The following LY86 variants were observed in gnomAD, a reference collection of about 807,000 sequenced individuals.
The protein encoded by LY86 is MD-1, RP105-associated.
LY86 carries 20 observed loss-of-function variants against 17.3 expected under a neutral mutation model. The ratio of observed to expected loss-of-function variants is 1.15; its 90% confidence interval spans 0.81 to 1.68. LY86 has a LOEUF of 1.68. Among genes scored for constraint, LY86 ranks in the 40% most tolerant of loss-of-function variants. LY86 has a pLI of 0.00. For missense variants in LY86, 200 were observed against 191.9 expected, an observed-to-expected ratio of 1.04 and a Z score of -0.25; for synonymous variants, 74 against 70.6, an observed-to-expected ratio of 1.05 and a Z score of -0.24.
intron 1 of LY86, among the ~76,000 whole-genome samples, chr6:6,607,572 G>A (rs1761219645): frequency 6.6e-6 from 1 of 152,104 alleles, no homozygotes; most frequent in South Asian, 2.1e-4. Flanking sequence ...CATAAAGAAA[G>A]AAAACCCAAA....
intron 1 of LY86, among the ~76,000 whole-genome samples, chr6:6,603,427 A>G (rs1045165628): frequency 6.6e-6 from 1 of 151,998 alleles, no homozygotes; most frequent in Non-Finnish European, 1.5e-5. Flanking sequence ...CTACATAAAA[A>G]ACTTCTGTCA....
chr6:6,627,803 T>C (rs1032844357), intron 3 of LY86, among the ~76,000 whole-genome samples: 2 of 152,184 alleles, frequency 1.3e-5, no homozygotes, highest in African/African-American at 2.4e-5. Flanking sequence ...ACTTCATAAA[T>C]GTGTAACTGA....
At chr6:6,600,885 CTG>C (rs1760886997) in intron 1 of LY86, among the ~76,000 whole-genome samples, 1 of 152,216 alleles carries the variant, frequency 6.6e-6, no homozygotes, top group Non-Finnish European at 1.5e-5. Context: ...CTGACCTACA[CTG>C]TGCTTTTTGG....
At chr6:6,649,035 G>T (rs1429869583) in intron 3 of LY86, among the ~76,000 whole-genome samples, 1 of 152,176 alleles carries the variant, frequency 6.6e-6, no homozygotes, top group Non-Finnish European at 1.5e-5. Context: ...CCCAAGACTG[G>T]GTAATTTATA....
intron 1 of LY86, among the ~76,000 whole-genome samples, chr6:6,595,315 T>C (rs1180831152): frequency 1.0e-5 from 1 of 98,114 alleles, no homozygotes; most frequent in East Asian, 3.0e-4. Context: ...GAGGAGGAGG[T>C]GGAAGAGGAG....
At chr6:6,620,361 A>C (rs1005055580) in intron 1 of LY86, among the ~76,000 whole-genome samples, 1 of 152,262 alleles carries the variant, frequency 6.6e-6, no homozygotes, top group Non-Finnish European at 1.5e-5. Context: ...AACCTCAAGT[A>C]GAGCTAGAAT....
intron 1 of LY86, among the ~76,000 whole-genome samples, chr6:6,623,088 G>A (rs1761715764): frequency 6.6e-6 from 1 of 152,136 alleles, no homozygotes; most frequent in African/African-American, 2.4e-5. Flanking sequence ...TGCAGGTCTG[G>A]GTGCTGTCAG....
chr6:6,647,725 C>T (rs1160527543), intron 3 of LY86, among the ~76,000 whole-genome samples: 1 of 152,214 alleles, frequency 6.6e-6, no homozygotes, highest in Non-Finnish European at 1.5e-5. Context: ...TTCTCCTCAA[C>T]CCAACCTCTG....
chr6:6,595,043 C>T (rs867381848), intron 1 of LY86, among the ~76,000 whole-genome samples: 4 of 151,450 alleles, frequency 2.6e-5, no homozygotes, highest in East Asian at 1.9e-4. Flanking sequence ...GATAAGTCTT[C>T]GGGTAAAAAA....
chr6:6,636,763 G>C (rs184995771), intron 3 of LY86, among the ~76,000 whole-genome samples: 1 of 151,810 alleles, frequency 6.6e-6, no homozygotes, highest in Non-Finnish European at 1.5e-5. Flanking sequence ...ATTATTCCTT[G>C]TCTCCAGACT....
chr6:6,636,449 A>T (rs1341557470), intron 3 of LY86, among the ~76,000 whole-genome samples: 1 of 152,202 alleles, frequency 6.6e-6, no homozygotes, highest in Non-Finnish European at 1.5e-5. Context: ...AGCTGATGAC[A>T]GGTTTCTCAA....
At chr6:6,633,464 G>A (rs960130748) in intron 3 of LY86, among the ~76,000 whole-genome samples, 1 of 152,240 alleles carries the variant, frequency 6.6e-6, no homozygotes, top group East Asian at 1.9e-4. Context: ...ATAGTTAAAC[G>A]TGTGCCATGG....
chr6:6,637,014 T>TG (rs1206756210), intron 3 of LY86, among the ~76,000 whole-genome samples: 2 of 148,396 alleles, frequency 1.3e-5, no homozygotes, highest in Admixed American at 6.7e-5. Context: ...GTTTTTTTTT[T>TG]TTTTTTTTTT....
chr6:6,592,712 C>A (rs1201225664), intron 1 of LY86, among the ~76,000 whole-genome samples: 1 of 152,052 alleles, frequency 6.6e-6, no homozygotes, highest in Non-Finnish European at 1.5e-5. Context: ...CTCTTTTCAC[C>A]ACATGAGGAC....
In LY86 at chr6:6,626,334, TCTCAAGG is replaced by T. The variant is rs1381669984; in HGVS notation, c.270_276del (p.Gln90HisfsTer4). On this transcript the variant is annotated frameshift_variant, in exon 3 of 5. Transcript: ENST00000230568. LOFTEE classifies it high-confidence loss of function. ...GCTTTTTCTTGACCTAGCTCTCATG[TCTCAAGG>T]CTCATCTGTTTTGAATTTCTCCTAT... 1 of 1,614,044 alleles carries T rather than the reference TCTCAAGG, an allele frequency of 6.2e-7. No individual in the cohort carries two copies.
chr6:6,640,360 C>A (rs1032696887), intron 3 of LY86, among the ~76,000 whole-genome samples: 1 of 151,608 alleles, frequency 6.6e-6, no homozygotes, highest in East Asian at 1.9e-4. Flanking sequence ...GAATTCCAGA[C>A]CAGCCTGGGC....
At chr6:6,642,613 G>A (rs1762056015) in intron 3 of LY86, among the ~76,000 whole-genome samples, 1 of 152,158 alleles carries the variant, frequency 6.6e-6, no homozygotes, top group Non-Finnish European at 1.5e-5. Flanking sequence ...CTACTCCAAG[G>A]CAAGTTTGTT....
intron 1 of LY86, among the ~76,000 whole-genome samples, chr6:6,612,082 T>C (rs1176679787): frequency 6.6e-6 from 1 of 152,152 alleles, no homozygotes; most frequent in Non-Finnish European, 1.5e-5. Context: ...ATTAGCAAGA[T>C]TTGAGAAGAT....
intron 3 of LY86, 108 bp downstream of exon 3, chr6:6,626,529 C>A: frequency 7.9e-7 from 1 of 1,271,160 alleles, no homozygotes; most frequent in Non-Finnish European, 1.1e-6. Flanking sequence ...CTGCCCCTCG[C>A]CTTTGGACGA....
Sources: gnomAD v4.1 joint callset for allele counts (sites outside exome capture counted in the v4.1 genomes callset) on GRCh38, gnomAD v4.1.1 for gene constraint, MANE v1.5 for transcripts, NCBI Gene and HGNC (gene_info 2026-07-23, HGNC 2026-07-21) for gene names.